TUT1: variants seen among roughly 807,000 people sequenced by gnomAD.
TUT1 encodes terminal uridylyl transferase 1, U6 snRNA-specific, also known as speckle targeted PIP5K1A-regulated poly(A) polymerase.
Under a neutral mutation model 48.8 loss-of-function variants are expected in TUT1, and 26 were observed. That is an observed-to-expected ratio of 0.53 (90% CI 0.39 to 0.74). The LOEUF is 0.74. Ranked by LOEUF, TUT1 falls within the 30% of genes least tolerant of loss-of-function variation. The pLI, the probability that TUT1 is intolerant of heterozygous loss-of-function variation, is 0.00. For synonymous variants in TUT1, 470 were observed against 460.8 expected, an observed-to-expected ratio of 1.02 and a Z score of -0.26; for missense variants, 1,065 against 1,114.8, an observed-to-expected ratio of 0.96 and a Z score of 0.64.
At chr11:62,580,825 G>A (rs534547113) in intron 4 of TUT1, among the ~76,000 whole-genome samples, 122 of 151,842 alleles carry the variant, frequency 8.0e-4, no homozygotes, top group African/African-American at 2.9e-3. Context: ...GGCCAGGCTG[G>A]TCTTGAACTC....
intron 7 of TUT1, 60 bp downstream of exon 7, chr11:62,576,847 T>C: frequency 6.3e-7 from 1 of 1,595,036 alleles, no homozygotes; most frequent in Non-Finnish European, 8.6e-7. Flanking sequence ...TGTATCTAAG[T>C]GTGATGAAGA....
At chr11:62,580,564 T>A (rs947687294) in intron 4 of TUT1, among the ~76,000 whole-genome samples, 12 of 151,932 alleles carry the variant, frequency 7.9e-5, no homozygotes, top group Admixed American at 7.9e-4. Flanking sequence ...TTTTGAAATT[T>A]TTTTTTTGTT....
At chr11:62,580,729 A>G (rs557904720) in intron 4 of TUT1, among the ~76,000 whole-genome samples, 35 of 150,040 alleles carry the variant, frequency 2.3e-4, no homozygotes, top group African/African-American at 8.3e-4. Flanking sequence ...CGGCCTCCCA[A>G]GTAGCTGGGA....
At chr11:62,585,508 G>A (rs1941896749) in intron 2 of TUT1, among the ~76,000 whole-genome samples, 1 of 151,954 alleles carries the variant, frequency 6.6e-6, no homozygotes, top group African/African-American at 2.4e-5. Flanking sequence ...CTCACAGAAG[G>A]CATCAGGGAG....
intron 7 of TUT1, 68 bp downstream of exon 7, chr11:62,576,839 T>G: frequency 6.3e-7 from 1 of 1,591,806 alleles, no homozygotes; most frequent in Non-Finnish European, 8.6e-7. Flanking sequence ...CTGCTTGGTG[T>G]ATCTAAGTGT....
intron 6 of TUT1, 46 bp downstream of exon 6, chr11:62,577,124 ATCCCTGCCTTTG>A: frequency 6.3e-7 from 1 of 1,594,624 alleles, no homozygotes; most frequent in Non-Finnish European, 8.6e-7. Flanking sequence ...CTCTCCCTGA[ATCCCTGCCTTTG>A]TCCTGAGACC....
At chr11:62,580,343 C>A (rs1167109202) in intron 4 of TUT1, among the ~76,000 whole-genome samples, 1 of 151,406 alleles carries the variant, frequency 6.6e-6, no homozygotes, top group Admixed American at 6.6e-5. Flanking sequence ...GCCTGTATTC[C>A]GAGCTACTTG....
At chr11:62,580,828 T>C (rs1362381315) in intron 4 of TUT1, among the ~76,000 whole-genome samples, 1 of 152,018 alleles carries the variant, frequency 6.6e-6, no homozygotes, top group Non-Finnish European at 1.5e-5. Flanking sequence ...CAGGCTGGTC[T>C]TGAACTCCTG....
chr11:62,576,635 C>T (rs1941733400), intron 8 of TUT1, 22 bp downstream of exon 8: 1 of 1,606,434 alleles, frequency 6.2e-7, no homozygotes, highest in South Asian at 1.1e-5. Context: ...TACTAGTCCT[C>T]TACCAGGCTC....
chr11:62,578,877 A>G lies in TUT1; in HGVS notation c.844T>C (p.Ser282Pro). Reference protein sequence around the residue: ...DSEALDFETPSSSLAPQTPDS... With the variant: ...DSEALDFETPPSSLAPQTPDS... ...GGAGTTTGGGGCGCCAGGGAGGAGG[A>G]AGGGGTTTCAAAGTCCAGGGCTTCA... Residue 282 changes from serine to proline, a missense_variant, in exon 5 of 9, where the codon TCC (serine) becomes CCC (proline). By Grantham distance (74) the Ser-to-Pro change is moderately conservative. Transcript: ENST00000476907. 1 of 1,609,530 alleles carries G rather than the reference A, an allele frequency of 6.2e-7. No homozygotes were observed.
chr11:62,576,830 T>C, intron 7 of TUT1, 77 bp downstream of exon 7: 2 of 1,593,240 alleles, frequency 1.3e-6, no homozygotes, highest in East Asian at 2.2e-5. Flanking sequence ...TTCACAGAGC[T>C]GCTTGGTGTA....
Position 62,578,935 on chromosome 11 carries a change from T to A in TUT1, c.786A>T (p.Pro262=). 1 of 1,560,476 alleles carries A rather than the reference T, an allele frequency of 6.4e-7. No individual in the cohort carries two copies. The highest frequency in any genetic ancestry group is 8.7e-7 in the Non-Finnish European group (1 of 1,153,250). ...QALACTPASP[P]DSQPPASPQD... is the part of the protein sequence containing the mutation. ...GGGGAGAAGCAGGAGGTTGTGAATC[T>A]GGAGGGGAAGCTGGGGTGCAGGCCA... Residue 262 remains proline (P), a synonymous_variant, in exon 5 of 9, where the codon CCA becomes CCT. Coordinates refer to ENST00000476907, the MANE Select transcript of TUT1 (RefSeq NM_022830.3).
At position 62,575,436 on chromosome 11, in the gene TUT1, G is replaced by C. The variant is rs1406311495; in HGVS notation, c.2283C>G (p.Pro761=). The C allele has an allele frequency of 2.5e-6, 4 of 1,611,120 alleles. No homozygotes were observed. Among genetic ancestry groups the C allele is most frequent in the Admixed American group, 3.3e-5 (2 of 59,998 alleles). Residue 761 remains proline, a synonymous_variant, in exon 9 of 9, where the codon CCC becomes CCG. Transcript: ENST00000476907. ...QGEAGKGASL[P]SSASWRCALW... ...AGGCACAGCGCCAGCTCGCTGAGGA[G>C]GGCAGGGATGCCCCCTTCCCTGCCT...
rs778613415 is a variant in TUT1 at position 62,575,081 on chromosome 11, A to T, written c.*13T>A. ...TAAACTAGCAGCTTTATTGCCCTTC[A>T]GGGGCCATGTCTTCACTTGAGATGT... On this transcript the variant is annotated 3_prime_UTR_variant, in exon 9 of 9. Transcript: ENST00000476907. The T allele has an allele frequency of 6.4e-7, 1 of 1,552,920 alleles. No homozygotes were observed. Among genetic ancestry groups the T allele is most frequent in the South Asian group, 1.2e-5 (1 of 81,320 alleles).
Position 62,589,123 on chromosome 11 carries a change from T to C in TUT1, c.181A>G (p.Ser61Gly), listed in dbSNP as rs772638954. 11 of 1,614,276 alleles carry C rather than the reference T, an allele frequency of 6.8e-6. No individual in the cohort carries two copies. In the South Asian group the frequency reaches 1.2e-4, roughly 18 times the overall value. Reference protein sequence around the residue: ...KAQGLRSVFVSGFPRDVDSAQ... With the variant: ...KAQGLRSVFVGGFPRDVDSAQ... ...GAATCCACATCCCTGGGAAAGCCAC[T>C]GACAAACACACTTCGAAGTCCCTGG... is the stretch of plus-strand genomic sequence containing the variant. The change falls in exon 2 of 9, where the codon AGT becomes GGT. Residue 61 changes from serine (S) to glycine (G), a missense_variant. Transcript: ENST00000476907.
rs756138880 is a variant in TUT1, at chr11:62,576,259, A to G, written c.1475-15T>C. ...TAGCAGGGAACCTGGAGGAGGAGGAAGAGTGGGGAAAGGGGGGTCACTTAG... is the reference window on the plus strand; with the variant it reads ...TAGCAGGGAACCTGGAGGAGGAGGAGGAGTGGGGAAAGGGGGGTCACTTAG... On this transcript the variant is annotated splice_polypyrimidine_tract_variant and intron_variant, in intron 8 of 8. Coordinates refer to ENST00000476907, the MANE Select transcript of TUT1 (RefSeq NM_022830.3). 3.9e-6 allele frequency: 6 copies of G among 1,542,998 alleles called. No homozygotes were observed. The highest frequency in any genetic ancestry group is 5.2e-6 in the Non-Finnish European group (6 of 1,146,980).
In TUT1 at chr11:62,589,071, G is replaced by C. The variant is rs1290160301; in HGVS notation, c.233C>G (p.Ala78Gly). 1 of 1,613,870 alleles carries C rather than the reference G, an allele frequency of 6.2e-7. No homozygotes were observed. Among genetic ancestry groups the C allele is most frequent in the Non-Finnish European group, 8.5e-7 (1 of 1,179,934 alleles). ...GACAACACTGGCCACAGGTCCAAAT[G>C]CTAGGAAGTACTCAGAGAGCTGAGC... Reference protein sequence around the residue: ...DSAQLSEYFLAFGPVASVVMD... With the variant: ...DSAQLSEYFLGFGPVASVVMD... Residue 78 changes from alanine (A) to glycine (G), a missense_variant, in exon 2 of 9, where the codon GCA becomes GGA. By Grantham distance (60) the Ala-to-Gly change is moderately conservative (BLOSUM62 0). Transcript: ENST00000476907.
Position 62,577,030 on chromosome 11 carries a change from G to A in TUT1, c.1271-13C>T. 6.2e-7 allele frequency: 1 copy of A among 1,612,184 alleles called. No homozygotes were observed. Among genetic ancestry groups the A allele is most frequent in the Middle Eastern group, 1.7e-4 (1 of 5,964 alleles). ...AGGGGGCCACTCCCTGGGTAAATAA[G>A]CAATAATTCCGGTTAGATCAGAGGT... On this transcript the variant is annotated splice_polypyrimidine_tract_variant and intron_variant, in intron 6 of 8. Coordinates refer to ENST00000476907, the MANE Select transcript of TUT1 (RefSeq NM_022830.3).
At chr11:62,576,598 A>G (rs1458509757) in intron 8 of TUT1, 59 bp downstream of exon 8, 2 of 1,422,002 alleles carry the variant, frequency 1.4e-6, no homozygotes, top group Non-Finnish European at 2.0e-6. Flanking sequence ...AGTGTGATAT[A>G]TGTTACCTAC....
Sources: gnomAD v4.1 joint callset for allele counts (sites outside exome capture counted in the v4.1 genomes callset) on GRCh38, gnomAD v4.1.1 for gene constraint, MANE v1.5 for transcripts, NCBI Gene and HGNC (gene_info 2026-07-23, HGNC 2026-07-21) for gene names.